The following NRDC variants were observed in gnomAD, a reference collection of about 807,000 sequenced individuals.
The protein encoded by NRDC is nardilysin convertase, also known as nardilysin.
NRDC carries 54 observed loss-of-function variants against 147.1 expected under a neutral mutation model. That is an observed-to-expected ratio of 0.37 (90% CI 0.29 to 0.46). The LOEUF (loss-of-function observed/expected upper bound fraction) is 0.46. NRDC is among the 20% of genes least tolerant of loss of function. The pLI, the probability that NRDC is intolerant of heterozygous loss-of-function variation, is 1.00. For missense variants in NRDC, 1,082 were observed against 1,370.6 expected, an observed-to-expected ratio of 0.79 and a Z score of 3.33; for synonymous variants, 440 against 482.1, an observed-to-expected ratio of 0.91 and a Z score of 1.14.
chr1:51,852,494 T>C (rs1682007265), intron 1 of NRDC, among the ~76,000 whole-genome samples: 1 of 43,584 alleles, frequency 2.3e-5, no homozygotes, highest in South Asian at 1.3e-3. Context: ...ATATAACATG[T>C]ATATGAGGCC....
In NRDC at chr1:51,794,710, C is replaced by A. The variant is rs994184473; in HGVS notation, c.2637-100G>T. Reference sequence around the variant, plus strand: ...CCTTGTACACCAGCCTCAAAAAAATCTACTACAAGTAGTATTTCAATTGGG... The same window carrying A: ...CCTTGTACACCAGCCTCAAAAAAATATACTACAAGTAGTATTTCAATTGGG... On this transcript the variant is annotated intron_variant, in intron 23 of 30. Transcript: ENST00000352171. 2.2e-5 allele frequency: 34 copies of A among 1,580,354 alleles called. No homozygotes were observed. In the African/African-American group the frequency reaches 4.6e-4, roughly 21 times the overall value.
intron 14 of NRDC, among the ~76,000 whole-genome samples, chr1:51,812,987 C>CAAAAAAAAAAAAAAAAAAAAAAAAA (rs1295063644): frequency 1.0e-5 from 1 of 98,290 alleles, no homozygotes; most frequent in African/African-American, 3.7e-5. Context: ...AAAAAAAAAT[C>CAAAAAAAAAAAAAAAAAAAAAAAAA]AAAATGTGTT....
At chr1:51,834,383 C>T (rs896044460) in intron 3 of NRDC, among the ~76,000 whole-genome samples, 1 of 151,380 alleles carries the variant, frequency 6.6e-6, no homozygotes. Flanking sequence ...ACTGCAAACT[C>T]TGCCTCCTGG....
chr1:51,861,187 T>C (rs1682513418), intron 1 of NRDC, among the ~76,000 whole-genome samples: 1 of 151,290 alleles, frequency 6.6e-6, no homozygotes, highest in Non-Finnish European at 1.5e-5. Flanking sequence ...TGACCTCAGG[T>C]GATCCACCCA....
chr1:51,815,050 G>T (rs1382982967), intron 11 of NRDC, among the ~76,000 whole-genome samples: 6 of 152,140 alleles, frequency 3.9e-5, no homozygotes, highest in Non-Finnish European at 8.8e-5. Flanking sequence ...TTTGTTTAAT[G>T]CAAATACGAA....
Position 51,818,097 on chromosome 1 carries a change from A to G in NRDC, c.1330T>C (p.Trp444Arg). The G allele has an allele frequency of 6.2e-7, 1 of 1,606,282 alleles. No homozygotes were observed. Among genetic ancestry groups the G allele is most frequent in the Non-Finnish European group, 8.5e-7 (1 of 1,177,966 alleles). Residue 444 changes from tryptophan to arginine, a missense_variant, in exon 10 of 31, where the codon TGG becomes CGG. Trp to Arg is a moderately radical substitution (Grantham distance 101). This residue lies in a region of NRDC where 635 missense variants were observed against 923.8 expected (regional missense o/e 0.69). Coordinates refer to ENST00000352171, the MANE Select transcript of NRDC (RefSeq NM_001101662.2). ...IRKIHALTIT[W>R]ALPPQQQHYR... ...TGTTGCTGTTGAGGAGGAAGTGCCC[A>G]TGTGATGGTCAGAGCATGAATTTTT...
intron 3 of NRDC, among the ~76,000 whole-genome samples, chr1:51,835,467 G>GTT (rs951683379): frequency 0.02 from 2,315 of 114,592 alleles, 179 homozygotes; most frequent in African/African-American, 0.074. Flanking sequence ...TTTGTTTCTT[G>GTT]TTTTTTTTTT....
chr1:51,830,139 A>G (rs1557916322), intron 4 of NRDC, among the ~76,000 whole-genome samples: 1 of 151,528 alleles, frequency 6.6e-6, no homozygotes, highest in Non-Finnish European at 1.5e-5. Context: ...TAATTTTTGT[A>G]TTTTTAGTAG....
At chr1:51,839,710 A>T (rs749353124) in intron 2 of NRDC, among the ~76,000 whole-genome samples, 14 of 152,110 alleles carry the variant, frequency 9.2e-5, no homozygotes, top group Non-Finnish European at 1.9e-4. Flanking sequence ...TTCCCATATA[A>T]AGTGCTAAAT....
At chr1:51,872,730 T>C (rs1683140242) in intron 1 of NRDC, among the ~76,000 whole-genome samples, 1 of 151,978 alleles carries the variant, frequency 6.6e-6, no homozygotes, top group South Asian at 2.1e-4. Flanking sequence ...AATAAGGAAA[T>C]CAGTCTAAGG....
At chr1:51,860,295 T>C (rs1682465485) in intron 1 of NRDC, among the ~76,000 whole-genome samples, 1 of 152,248 alleles carries the variant, frequency 6.6e-6, no homozygotes, top group African/African-American at 2.4e-5. Flanking sequence ...CGTAAGTTTT[T>C]CTTTCTGAAG....
chr1:51,824,955 A>T (rs1039353048), intron 6 of NRDC, among the ~76,000 whole-genome samples: 14 of 152,186 alleles, frequency 9.2e-5, no homozygotes, highest in African/African-American at 3.4e-4. Context: ...GCCTGGCCTA[A>T]ACCTGTTTAT....
chr1:51,869,771 C>T (rs1682994425), intron 1 of NRDC, among the ~76,000 whole-genome samples: 1 of 152,210 alleles, frequency 6.6e-6, no homozygotes, highest in Admixed American at 6.5e-5. Context: ...TGAGTGCTTA[C>T]TATGCCAAGC....
chr1:51,838,758 C>T (rs1302651023), intron 2 of NRDC, among the ~76,000 whole-genome samples: 2 of 152,086 alleles, frequency 1.3e-5, no homozygotes, highest in Non-Finnish European at 2.9e-5. Context: ...TAATTTCTTC[C>T]TATTAATGCT....
chr1:51,836,269 G>A lies in NRDC; in HGVS notation c.631-57C>T, dbSNP rs187335913. 260 of 1,581,258 alleles carry A rather than the reference G, an allele frequency of 1.6e-4. 4 individuals carry two copies. In the Admixed American group the frequency reaches 3.9e-3, roughly 24 times the overall value. ...AGTCAACCCTAAAGGAATAATATTC[G>A]CATCTTATCTTAAGGATTCATTTGG... On this transcript the variant is annotated intron_variant, in intron 2 of 30. Transcript: ENST00000352171.
At chr1:51,869,033 G>C (rs149970784) in intron 1 of NRDC, among the ~76,000 whole-genome samples, 102 of 152,134 alleles carry the variant, frequency 6.7e-4, no homozygotes, top group African/African-American at 2.3e-3. Context: ...TCAAACTCTT[G>C]TGCTCAAGCC....
chr1:51,810,249 C>A, intron 16 of NRDC, 32 bp downstream of exon 16: 3 of 1,504,708 alleles, frequency 2.0e-6, no homozygotes, highest in Non-Finnish European at 2.7e-6. Flanking sequence ...TTAAATATAC[C>A]TAAATGTAAG....
At chr1:51,876,482 A>C (rs770197542) in intron 1 of NRDC, among the ~76,000 whole-genome samples, 5 of 152,180 alleles carry the variant, frequency 3.3e-5, no homozygotes, top group Non-Finnish European at 7.3e-5. Flanking sequence ...GCATGAAACA[A>C]AGTTTGTGTA....
chr1:51,857,502 G>T (rs1682310501), intron 1 of NRDC, among the ~76,000 whole-genome samples: 1 of 152,164 alleles, frequency 6.6e-6, no homozygotes, highest in Non-Finnish European at 1.5e-5. Flanking sequence ...TCATGCCCAG[G>T]AGCATGGAGT....
Sources: gnomAD v4.1 joint callset for allele counts (sites outside exome capture counted in the v4.1 genomes callset) on GRCh38, gnomAD v4.1.1 for gene constraint, gnomAD v4.1.1 regional missense constraint, MANE v1.5 for transcripts, NCBI Gene and HGNC (gene_info 2026-07-23, HGNC 2026-07-21) for gene names.